Variants in AMOTL1 observed in about 807,000 individuals in gnomAD.
The protein encoded by AMOTL1 is angiomotin-like protein 1.
AMOTL1 carries 45 observed loss-of-function variants against 102.9 expected under a neutral mutation model. The ratio of observed to expected loss-of-function variants is 0.44; its 90% CI spans 0.34 to 0.56. The LOEUF (loss-of-function observed/expected upper bound fraction) is 0.56, where lower values mean the gene tolerates loss of function less well. Ranked by LOEUF, AMOTL1 falls within the 20% of genes least tolerant of loss-of-function variation. The pLI is 0.01. For missense variants in AMOTL1, 1,114 were observed against 1,225.6 expected (o/e 0.91, Z 1.36); for synonymous variants, 481 against 484.7 (o/e 0.99, Z 0.10).
intron 1 of AMOTL1, among the ~76,000 whole-genome samples, chr11:94,708,232 AC>A (rs1949962762): frequency 6.6e-6 from 1 of 152,190 alleles, no homozygotes; most frequent in Admixed American, 6.5e-5. Flanking sequence ...CTTTCTAAGG[AC>A]ATTTTTACCA....
At chr11:94,811,108 A>T (rs1371782269) in intron 3 of AMOTL1, among the ~76,000 whole-genome samples, 1 of 152,184 alleles carries the variant, frequency 6.6e-6, no homozygotes, top group Non-Finnish European at 1.5e-5. Context: ...GAACTGCAGC[A>T]TGGGGCAACA....
At chr11:94,820,571 A>T (rs1263700458) in intron 3 of AMOTL1, among the ~76,000 whole-genome samples, 1 of 152,234 alleles carries the variant, frequency 6.6e-6, no homozygotes, top group Non-Finnish European at 1.5e-5. Flanking sequence ...TTTTCCGCAG[A>T]CAATCGCGGG....
chr11:94,854,242 A>G (rs1952611576), intron 8 of AMOTL1, among the ~76,000 whole-genome samples, 160 bp downstream of exon 8: 1 of 152,234 alleles, frequency 6.6e-6, no homozygotes, highest in Non-Finnish European at 1.5e-5. Context: ...CCAGGAGAGA[A>G]GGCGAGCAGT....
Position 94,714,671 on chromosome 11 carries a change from A to T in AMOTL1, c.-51+8074A>T, listed in dbSNP as rs1279026487. 2.0e-5 allele frequency among the ~76,000 whole-genome samples: 3 copies of T among 152,136 alleles called. No homozygotes were observed. The South Asian group carries it at 6.2e-4, about 31-fold the overall frequency. ...TGAATTTATGAGTGTAAAGTTGTTC[A>T]TATATTTCATATTATTCTTTTAATG... On this transcript the variant is annotated intron_variant, in intron 1 of 4. Coordinates refer to the AMOTL1 transcript ENST00000299004.
rs1952986034 is a variant in AMOTL1, at chr11:94,871,031, G to A, written c.*236G>A. 2.5e-6 allele frequency: 1 copy of A among 392,582 alleles called. No homozygotes were observed. The highest frequency in any genetic ancestry group is 4.5e-6 in the Non-Finnish European group (1 of 220,278). The allele number at this position is 392,582 out of a possible 1,614,324, so 24.3% of individuals were successfully genotyped here. On this transcript the variant is annotated 3_prime_UTR_variant, in exon 13 of 13. Transcript: ENST00000433060. The stretch of plus-strand genomic sequence containing the variant: ...GGTGGAAGAGAGAAGAGGCGTGTAG[G>A]TTTGCAAACAAAGTTAAGAAATAGG...
intron 1 of AMOTL1, among the ~76,000 whole-genome samples, chr11:94,728,626 T>G (rs570463062): frequency 1.3e-5 from 2 of 152,276 alleles, no homozygotes; most frequent in African/African-American, 4.8e-5. Flanking sequence ...TATCCTGCCC[T>G]GAAATTCTAG....
chr11:94,844,370 C>A (rs529593566), intron 6 of AMOTL1, among the ~76,000 whole-genome samples: 24 of 152,320 alleles, frequency 1.6e-4, no homozygotes, highest in African/African-American at 5.5e-4. Flanking sequence ...GACCTAAACC[C>A]CCCAAATCCA....
intron 1 of AMOTL1, among the ~76,000 whole-genome samples, chr11:94,716,356 A>T (rs1475915847): frequency 6.6e-6 from 1 of 152,078 alleles, no homozygotes; most frequent in Non-Finnish European, 1.5e-5. Context: ...GCATCAGTTG[A>T]TTGTCATTTC....
Position 94,740,990 on chromosome 11 carries a change from T to G in AMOTL1, c.136+2T>G, listed in dbSNP as rs1324352455. On this transcript the variant is annotated splice_donor_variant, in intron 3 of 4. Transcript: ENST00000299004. LOFTEE classifies it high-confidence loss of function. ...CATCCTACAGCCCAGACGAGTTAGG[T>G]AAGTCTGCTCATTTTGTCTTTTATT... is the stretch of plus-strand genomic sequence containing the variant. 3.9e-6 allele frequency: 5 copies of G among 1,289,048 alleles called. No homozygotes were observed. The highest frequency in any genetic ancestry group is 5.1e-6 in the Non-Finnish European group (5 of 988,638). The allele number at this position is 1,289,048 out of a possible 1,614,324, so 79.9% of individuals were successfully genotyped here.
chr11:94,782,903 A>G (rs906390136), intron 1 of AMOTL1, among the ~76,000 whole-genome samples: 1 of 152,236 alleles, frequency 6.6e-6, no homozygotes, highest in African/African-American at 2.4e-5. Context: ...TTCGTTTTAA[A>G]ACTTTTTTTT....
At chr11:94,743,469 T>C (rs1400273328) in intron 3 of AMOTL1, among the ~76,000 whole-genome samples, 1 of 152,072 alleles carries the variant, frequency 6.6e-6, no homozygotes, top group Non-Finnish European at 1.5e-5. Context: ...GAAAGAGTCA[T>C]GGTGGTTTTT....
chr11:94,855,698 G>A (rs1565383252), intron 8 of AMOTL1, among the ~76,000 whole-genome samples: 1 of 152,114 alleles, frequency 6.6e-6, no homozygotes, highest in Non-Finnish European at 1.5e-5. Flanking sequence ...TATCCTTGTT[G>A]TTTATCAAGA....
At chr11:94,821,951 GGAGAT>G in intron 4 of AMOTL1, 130 bp downstream of exon 4, 1 of 1,241,506 alleles carries the variant, frequency 8.1e-7, no homozygotes, top group Non-Finnish European at 1.1e-6. Flanking sequence ...AAGGCTTTAG[GGAGAT>G]GAAAATAAAT....
chr11:94,809,262 C>T (rs1382919277), intron 3 of AMOTL1, among the ~76,000 whole-genome samples: 3 of 152,120 alleles, frequency 2.0e-5, no homozygotes, highest in South Asian at 2.1e-4. Flanking sequence ...TGAGCCACTG[C>T]GCCTGGCCCT....
chr11:94,771,259 T>TGGGGGGG (rs10692853), intron 1 of AMOTL1, among the ~76,000 whole-genome samples: 1 of 96,878 alleles, frequency 1.0e-5, no homozygotes, highest in Non-Finnish European at 2.1e-5. Flanking sequence ...TTGGCGGGGT[T>TGGGGGGG]GGGGGGGGGG....
intron 1 of AMOTL1, among the ~76,000 whole-genome samples, chr11:94,794,247 A>C (rs1473155290): frequency 1.3e-5 from 2 of 152,222 alleles, no homozygotes; most frequent in Non-Finnish European, 2.9e-5. Context: ...ATGCAGAGGA[A>C]TCAGTGCAGA....
At position 94,799,614 on chromosome 11, in the gene AMOTL1, G is replaced by A; in HGVS notation, c.424G>A (p.Glu142Lys). 6.2e-7 allele frequency: 1 copy of A among 1,613,876 alleles called. No homozygotes were observed. The highest frequency in any genetic ancestry group is 1.3e-5 in the African/African-American group (1 of 74,992). ...AHPTNNFSST[E>K]NLTQEDPQMV... ...TCCTACAAACAACTTTTCTTCCACG[G>A]AAAACCTCACTCAAGAAGACCCACA... The change falls in exon 3 of 13, where the codon GAA becomes AAA. Residue 142 changes from glutamate (E) to lysine (K), a missense_variant. Coordinates refer to ENST00000433060, the MANE Select transcript of AMOTL1 (RefSeq NM_130847.3). This position sits in a 1 kb window ranked among gnomAD's most constrained non-coding sequence, Gnocchi z 4.5.
chr11:94,821,509 C>T (rs1951865187), intron 3 of AMOTL1, 21 bp from the exon 4 acceptor site: 2 of 1,606,536 alleles, frequency 1.2e-6, no homozygotes, highest in Admixed American at 3.4e-5. Flanking sequence ...GCTCTAACTG[C>T]TGCCTTCCAT....
chr11:94,820,639 A>G (rs1479054710), intron 3 of AMOTL1, among the ~76,000 whole-genome samples: 2 of 152,196 alleles, frequency 1.3e-5, no homozygotes, highest in Non-Finnish European at 2.9e-5. Context: ...CTTTGTTTCT[A>G]TTATTATTAC....
Sources: allele counts gnomAD v4.1 joint callset (sites outside exome capture counted in the v4.1 genomes callset), GRCh38; gene constraint gnomAD v4.1.1; non-coding constraint Gnocchi (gnomAD v3.1); transcripts MANE v1.5; gene names NCBI Gene and HGNC (gene_info 2026-07-23, HGNC 2026-07-21).